AUTS2: variants seen among roughly 807,000 people sequenced by gnomAD.
AUTS2 encodes the protein activator of transcription and developmental regulator AUTS2.
AUTS2 carries 17 observed loss-of-function variants against 112.4 expected under a neutral mutation model. That is an observed-to-expected ratio of 0.15 (90% CI 0.10 to 0.23). AUTS2 has a LOEUF of 0.23. AUTS2 is among the 10% of genes least tolerant of loss of function. The pLI is 1.00. For missense variants in AUTS2, 1,510 were observed against 1,701.6 expected (o/e 0.89, Z 1.98); for synonymous variants, 751 against 702.7 (o/e 1.07, Z -1.09).
intron 1 of AUTS2, among the ~76,000 whole-genome samples, chr7:69,780,849 A>G (rs1789116033): frequency 6.6e-6 from 1 of 152,212 alleles, no homozygotes; most frequent in Non-Finnish European, 1.5e-5. Flanking sequence ...AATAGACCGA[A>G]ACAACCTCTG....
chr7:69,979,847 C>T (rs927442487), intron 2 of AUTS2, among the ~76,000 whole-genome samples: 4 of 152,130 alleles, frequency 2.6e-5, no homozygotes, highest in Non-Finnish European at 4.4e-5. Flanking sequence ...TTCACATATT[C>T]GCCTTGTTTT....
At chr7:70,720,745 C>A (rs1466798547) in intron 6 of AUTS2, among the ~76,000 whole-genome samples, 1 of 152,102 alleles carries the variant, frequency 6.6e-6, no homozygotes, top group Non-Finnish European at 1.5e-5. Flanking sequence ...TAAAGTGGTT[C>A]CAAACTCAGC....
At chr7:69,664,099 T>G (rs1249147448) in intron 1 of AUTS2, among the ~76,000 whole-genome samples, 1 of 152,228 alleles carries the variant, frequency 6.6e-6, no homozygotes, top group Non-Finnish European at 1.5e-5. Context: ...TGTGTGCCTG[T>G]CTTTCCTTTC....
intron 4 of AUTS2, among the ~76,000 whole-genome samples, chr7:70,388,061 A>G (rs986629178): frequency 6.6e-6 from 1 of 152,080 alleles, no homozygotes; most frequent in Admixed American, 6.6e-5. Context: ...TCACCTCCAC[A>G]ATTTCTCATT....
chr7:70,173,374 A>T, intron 4 of AUTS2, among the ~76,000 whole-genome samples: 1 of 152,074 alleles, frequency 6.6e-6, no homozygotes, highest in South Asian at 2.1e-4. Context: ...AAAAAAAAAA[A>T]AGAAAGAGAG....
intron 2 of AUTS2, among the ~76,000 whole-genome samples, chr7:69,972,834 A>G (rs928757997): frequency 6.6e-6 from 1 of 152,074 alleles, no homozygotes; most frequent in Non-Finnish European, 1.5e-5. Flanking sequence ...GGGTTTCTCT[A>G]TTCCTCAATT....
At position 69,698,276 on chromosome 7, in the gene AUTS2, C is replaced by T. The variant is rs201426912; in HGVS notation, c.309+98314C>T. On this transcript the variant is annotated intron_variant, in intron 1 of 18. Coordinates refer to ENST00000342771, the MANE Select transcript of AUTS2 (RefSeq NM_015570.4). The stretch of plus-strand genomic sequence containing the variant: ...CTTTGTGAAAACCGGTAGACAGGAA[C>T]GAAGGATGTGGCCAAAACCAGTGAC... Among the ~76,000 whole-genome samples the T allele has an allele frequency of 1.5e-3, 233 of 152,126 alleles. 1 individual carries two copies. Among genetic ancestry groups the T allele is most frequent in the African/African-American group, 5.4e-3 (223 of 41,494 alleles).
At chr7:69,728,373 TA>T (rs1786620257) in intron 1 of AUTS2, among the ~76,000 whole-genome samples, 1 of 152,228 alleles carries the variant, frequency 6.6e-6, no homozygotes, top group Non-Finnish European at 1.5e-5. Flanking sequence ...GTAAATGTAC[TA>T]TTTTAAAGAA....
At chr7:69,601,576 G>A (rs1198910264) in intron 1 of AUTS2, among the ~76,000 whole-genome samples, 1 of 151,988 alleles carries the variant, frequency 6.6e-6, no homozygotes, top group East Asian at 1.9e-4. Context: ...TGGTGGTGGT[G>A]CAGGTGGTGG....
chr7:70,084,829 T>A (rs1372619435), intron 2 of AUTS2, among the ~76,000 whole-genome samples: 1 of 152,112 alleles, frequency 6.6e-6, no homozygotes, highest in Non-Finnish European at 1.5e-5. Context: ...TTTTATTCTC[T>A]TAACAGCGTC....
intron 4 of AUTS2, among the ~76,000 whole-genome samples, chr7:70,154,406 TAA>T (rs1807626515): frequency 6.6e-6 from 1 of 152,200 alleles, no homozygotes; most frequent in East Asian, 1.9e-4. Flanking sequence ...TTTGTATATT[TAA>T]AAGATACATT....
intron 5 of AUTS2, among the ~76,000 whole-genome samples, chr7:70,509,341 T>C (rs148744079): frequency 1.2e-3 from 178 of 152,258 alleles, no homozygotes; most frequent in African/African-American, 4.0e-3. Flanking sequence ...GGAGAGGCAT[T>C]GGGACTATGA....
chr7:69,837,485 C>T (rs1388289933), intron 1 of AUTS2, among the ~76,000 whole-genome samples: 1 of 152,090 alleles, frequency 6.6e-6, no homozygotes, highest in East Asian at 1.9e-4. Context: ...CCAGCTGCTT[C>T]CTGCTTCATT....
chr7:70,723,081 A>G (rs1786793995), intron 6 of AUTS2, among the ~76,000 whole-genome samples: 1 of 152,230 alleles, frequency 6.6e-6, no homozygotes, highest in Non-Finnish European at 1.5e-5. Flanking sequence ...GGATAGGAGT[A>G]GAGAACGTGA....
chr7:70,422,698 C>A (rs1037616262), intron 4 of AUTS2, among the ~76,000 whole-genome samples: 2 of 152,140 alleles, frequency 1.3e-5, no homozygotes, highest in African/African-American at 4.8e-5. Context: ...ATCGCTTGAA[C>A]CCAGGAGGCG....
At chr7:69,960,589 T>TTAGGAAGATGA (rs1797390138) in intron 2 of AUTS2, among the ~76,000 whole-genome samples, 1 of 152,164 alleles carries the variant, frequency 6.6e-6, no homozygotes, top group Non-Finnish European at 1.5e-5. Context: ...ACATGCACAT[T>TTAGGAAGATGA]TTTATGAAAA....
intron 5 of AUTS2, among the ~76,000 whole-genome samples, chr7:70,538,842 C>G (rs930903795): frequency 6.6e-6 from 1 of 152,108 alleles, no homozygotes; most frequent in Non-Finnish European, 1.5e-5. Context: ...TTTCGTAGAA[C>G]AGTTATATAT....
At chr7:70,100,111 G>A (rs940130214) in intron 2 of AUTS2, among the ~76,000 whole-genome samples, 1 of 152,100 alleles carries the variant, frequency 6.6e-6, no homozygotes, top group Admixed American at 6.5e-5. Flanking sequence ...AACTCTTGTT[G>A]TGGTCGCTGT....
At chr7:69,989,578 G>T (rs1161297684) in intron 2 of AUTS2, among the ~76,000 whole-genome samples, 1 of 152,178 alleles carries the variant, frequency 6.6e-6, no homozygotes, top group African/African-American at 2.4e-5. Flanking sequence ...AGTTGTGAAT[G>T]CAGCCAAGCT....
Sources: gnomAD v4.1 joint callset for allele counts (sites outside exome capture counted in the v4.1 genomes callset) on GRCh38, gnomAD v4.1.1 for gene constraint, MANE v1.5 for transcripts, NCBI Gene and HGNC (gene_info 2026-07-23, HGNC 2026-07-21) for gene names.